Variants in ACTR3B observed in about 807,000 individuals in gnomAD.
ACTR3B encodes the protein actin-related protein 3B.
A neutral mutation model predicts 59.0 loss-of-function variants in ACTR3B; 8 were observed. The ratio of observed to expected loss-of-function variants is 0.14; its 90% CI spans 0.08 to 0.24. The LOEUF is 0.24. Ranked by LOEUF, ACTR3B falls within the 10% of genes least tolerant of loss-of-function variation. ACTR3B has a pLI of 1.00. For missense variants in ACTR3B, 245 were observed against 552.3 expected, an observed-to-expected ratio of 0.44 and a Z score of 5.58; for synonymous variants, 148 against 197.9, an observed-to-expected ratio of 0.75 and a Z score of 2.12.
intron 2 of ACTR3B, among the ~76,000 whole-genome samples, chr7:152,783,733 G>A (rs193029527): frequency 0.03 from 4,519 of 151,956 alleles, 94 homozygotes; most frequent in Middle Eastern, 0.099. Context: ...AGTTTGGCAT[G>A]GGGCGTTCTA....
Position 152,825,244 on chromosome 7 carries a change from G to T in ACTR3B, c.951+122G>T, listed in dbSNP as rs868440725. The T allele has an allele frequency of 6.7e-6, 7 of 1,042,820 alleles. No homozygotes were observed. In the African/African-American group the frequency reaches 1.2e-4, roughly 17 times the overall value. 64.6% of individuals were successfully genotyped at this position (1,042,820 alleles called of 1,614,324 possible). A position where few individuals can be genotyped will look rare whatever the true frequency, so the allele number is the denominator to read the frequency against. ...CCCTGTTTCACCTTCTGTTTCATAG[G>T]ATTTGTTAAAGACAATATAATTGTA... is the stretch of plus-strand genomic sequence containing the variant. On this transcript the variant is annotated intron_variant, in intron 9 of 11. Coordinates refer to ENST00000256001, the MANE Select transcript of ACTR3B (RefSeq NM_020445.6).
intron 1 of ACTR3B, among the ~76,000 whole-genome samples, chr7:152,766,661 A>G (rs1186300791): frequency 6.6e-6 from 1 of 152,318 alleles, no homozygotes; most frequent in South Asian, 2.1e-4. Flanking sequence ...GTCTTTTACC[A>G]TGCAAAGTTT....
chr7:152,833,008 G>T (rs1033875789), intron 9 of ACTR3B, among the ~76,000 whole-genome samples: 1 of 152,106 alleles, frequency 6.6e-6, no homozygotes, highest in African/African-American at 2.4e-5. Context: ...AGAAGGAGTC[G>T]CCTGAGAAGA....
chr7:152,773,106 A>T (rs1411506022), intron 1 of ACTR3B, among the ~76,000 whole-genome samples: 1 of 151,424 alleles, frequency 6.6e-6, no homozygotes, highest in African/African-American at 2.4e-5. Context: ...TAGATTACAG[A>T]GTAAAAGGAA....
At chr7:152,827,042 C>T (rs1260378289) in intron 9 of ACTR3B, among the ~76,000 whole-genome samples, 1 of 150,296 alleles carries the variant, frequency 6.7e-6, no homozygotes. Context: ...AGTGCAGTGG[C>T]GTGATCACAG....
intron 1 of ACTR3B, 140 bp downstream of exon 1, chr7:152,760,066 C>T (rs1563062710): frequency 3.0e-6 from 2 of 673,550 alleles, no homozygotes; most frequent in Non-Finnish European, 4.1e-6. Context: ...GGGCGCCGGC[C>T]GCCGCTTCCC....
chr7:152,785,321 A>G (rs2098167782), intron 2 of ACTR3B, among the ~76,000 whole-genome samples: 1 of 133,878 alleles, frequency 7.5e-6, no homozygotes, highest in African/African-American at 2.8e-5. Flanking sequence ...GGATAATACA[A>G]ATGTCAAAGA....
intron 9 of ACTR3B, among the ~76,000 whole-genome samples, chr7:152,845,493 C>A (rs187492850): frequency 3.3e-5 from 5 of 152,368 alleles, no homozygotes; most frequent in Admixed American, 2.0e-4. Flanking sequence ...GCAAGGAGCT[C>A]TATTCCGTGC....
chr7:152,804,077 G>A (rs561950947), intron 4 of ACTR3B, among the ~76,000 whole-genome samples: 4 of 152,092 alleles, frequency 2.6e-5, no homozygotes, highest in African/African-American at 4.8e-5. Flanking sequence ...TCTGATGGCC[G>A]TGCCCAGTCA....
At chr7:152,786,255 A>G (rs944957836) in intron 2 of ACTR3B, among the ~76,000 whole-genome samples, 3 of 121,052 alleles carry the variant, frequency 2.5e-5, no homozygotes, top group African/African-American at 9.7e-5. Flanking sequence ...GGCTGCAGCT[A>G]GAAAATATAA....
At chr7:152,825,834 G>C (rs1328681614) in intron 9 of ACTR3B, among the ~76,000 whole-genome samples, 1 of 152,136 alleles carries the variant, frequency 6.6e-6, no homozygotes, top group Non-Finnish European at 1.5e-5. Context: ...GGGACAGTCA[G>C]ATAGAATATG....
intron 9 of ACTR3B, among the ~76,000 whole-genome samples, chr7:152,834,183 C>T (rs1158393988): frequency 6.3e-5 from 9 of 143,172 alleles, no homozygotes; most frequent in South Asian, 2.3e-4. Context: ...ACAGAGTTTT[C>T]GCTCTTGTCG....
In ACTR3B at chr7:152,800,773, T is replaced by C. The variant is rs1415334314; in HGVS notation, c.225+118T>C. The C allele has an allele frequency of 3.3e-5, 44 of 1,316,858 alleles. No individual in the cohort carries two copies. In the East Asian group the frequency reaches 4.0e-4, roughly 12 times the overall value. The allele number at this position is 1,316,858 out of a possible 1,614,324, so 81.6% of individuals were successfully genotyped here. A position where few individuals can be genotyped will look rare whatever the true frequency, so the allele number is the denominator to read the frequency against. On this transcript the variant is annotated intron_variant, in intron 3 of 11. Transcript: ENST00000256001. ...AGAATGTGTTATGTTTGAATTCTTATGTTTGAATAGAGGTGGTGGTGATGG... is the reference window on the plus strand; with the variant it reads ...AGAATGTGTTATGTTTGAATTCTTACGTTTGAATAGAGGTGGTGGTGATGG...
intron 9 of ACTR3B, among the ~76,000 whole-genome samples, chr7:152,827,925 G>A (rs1308443426): frequency 6.7e-6 from 1 of 150,296 alleles, no homozygotes; most frequent in Non-Finnish European, 1.5e-5. Flanking sequence ...ATATGAGACC[G>A]GGAGTTGGCC....
At chr7:152,816,257 A>G (rs1795685352) in intron 5 of ACTR3B, among the ~76,000 whole-genome samples, 1 of 152,102 alleles carries the variant, frequency 6.6e-6, no homozygotes, top group African/African-American at 2.4e-5. Context: ...ACGTTTCTTT[A>G]TTGAAAACTT....
At chr7:152,789,970 A>G (rs1204822215) in intron 2 of ACTR3B, among the ~76,000 whole-genome samples, 5 of 148,470 alleles carry the variant, frequency 3.4e-5, no homozygotes, top group South Asian at 4.2e-4. Context: ...TGAGATGATC[A>G]TATGGTTTTG....
intron 2 of ACTR3B, among the ~76,000 whole-genome samples, chr7:152,799,640 A>G (rs2098228363): frequency 6.6e-6 from 1 of 152,242 alleles, no homozygotes; most frequent in South Asian, 2.1e-4. Context: ...ATCCAGAAAA[A>G]TGCCTTAATG....
chr7:152,760,097 C>G (rs141531100), intron 1 of ACTR3B, among the ~76,000 whole-genome samples, 171 bp downstream of exon 1: 1 of 152,186 alleles, frequency 6.6e-6, no homozygotes, highest in African/African-American at 2.4e-5. Context: ...GCCTTGACGT[C>G]GTAAAACCCC....
At chr7:152,764,955 A>G (rs568316888) in intron 1 of ACTR3B, among the ~76,000 whole-genome samples, 1 of 152,316 alleles carries the variant, frequency 6.6e-6, no homozygotes, top group African/African-American at 2.4e-5. Context: ...GGTAATTTAT[A>G]AAGAAAAGAA....
Sources: gnomAD v4.1 joint callset for allele counts (sites outside exome capture counted in the v4.1 genomes callset) on GRCh38, gnomAD v4.1.1 for gene constraint, MANE v1.5 for transcripts, NCBI Gene and HGNC (gene_info 2026-07-23, HGNC 2026-07-21) for gene names.